PLXNB2: variants seen among roughly 807,000 people sequenced by gnomAD.
The protein encoded by PLXNB2 is plexin-B2.
A neutral mutation model predicts 202.6 loss-of-function variants in PLXNB2; 85 were observed. That is an observed-to-expected ratio of 0.42 (90% CI 0.35 to 0.50). The LOEUF is 0.50. Among genes scored for constraint, PLXNB2 ranks in the 20% least tolerant of loss-of-function variants. The pLI is 0.02. For synonymous variants in PLXNB2, 1,239 were observed against 1,137.6 expected (o/e 1.09, Z -1.79); for missense variants, 2,063 against 2,586.2 (o/e 0.80, Z 4.39).
At chr22:50,301,612 C>G (rs78484472) in intron 1 of PLXNB2, 4,254 of 153,772 alleles carry the variant, frequency 0.028, 100 homozygotes, top group South Asian at 0.12. Flanking sequence ...GCATCTCCCC[C>G]TTTCCAGCTC....
In PLXNB2 at chr22:50,275,283, C is replaced by T; in HGVS notation, c.*421G>A. 1 of 413,684 alleles carries T rather than the reference C, an allele frequency of 2.4e-6. No individual in the cohort carries two copies. Among genetic ancestry groups the T allele is most frequent in the Non-Finnish European group, 4.8e-6 (1 of 206,596 alleles). The allele number at this position is 413,684 out of a possible 1,614,324, so 25.6% of individuals were successfully genotyped here. A position where few individuals can be genotyped will look rare whatever the true frequency, so the allele number is the denominator to read the frequency against. ...CTCCTCCCATCTCGTGGTGGACAGA[C>T]AGACATAGGATCTGGGAACTTGCCC... On this transcript the variant is annotated 3_prime_UTR_variant, in exon 37 of 37. Transcript: ENST00000359337.
chr22:50,284,551 C>T lies in PLXNB2; in HGVS notation c.2181+22G>A, dbSNP rs749671684. ...GGGGCCCTGGGGTCCAGCAGCCGAG[C>T]CGGCCTGCCCTGGAGCCGTACCTTT... On this transcript the variant is annotated intron_variant, in intron 12 of 36. Coordinates refer to ENST00000359337, the MANE Select transcript of PLXNB2 (RefSeq NM_012401.4). The surrounding 1 kb of genome is among the most constrained non-coding windows in gnomAD (Gnocchi z 8.0). 4 of 1,586,478 alleles carry T rather than the reference C, an allele frequency of 2.5e-6. No homozygotes were observed. The highest frequency in any genetic ancestry group is 2.2e-5 in the South Asian group (2 of 90,148).
intron 27 of PLXNB2, 73 bp from the exon 28 acceptor site, chr22:50,279,084 G>C (rs1255438803): frequency 7.5e-6 from 11 of 1,457,526 alleles, no homozygotes; most frequent in Non-Finnish European, 1.0e-5. Context: ...GCCACTCCCT[G>C]CCCCGCCAGC....
At position 50,283,981 on chromosome 22, in the gene PLXNB2, T is replaced by C. The variant is rs2147424977; in HGVS notation, c.2273A>G (p.Tyr758Cys). 1.3e-6 allele frequency: 2 copies of C among 1,543,502 alleles called. No homozygotes were observed. The highest frequency in any genetic ancestry group is 1.7e-6 in the Non-Finnish European group (2 of 1,148,050). ...NIDSKLHVTL[Y>C]NCSFGRSDCS... The stretch of plus-strand genomic sequence containing the variant: ...GTCGCTGCGGCCAAAGGAGCAGTTG[T>C]AGAGGGTCACTGCGGGGAGAGCTGC... The change falls in exon 14 of 37, where the codon TAC (tyrosine) becomes TGC (cysteine). Residue 758 changes from tyrosine (Y) to cysteine (C), a missense_variant. Transcript: ENST00000359337.
chr22:50,285,049 G>A (rs548144542), intron 11 of PLXNB2: 3 of 396,320 alleles, frequency 7.6e-6, no homozygotes, highest in African/African-American at 4.1e-5. Flanking sequence ...GCCCCCGAGT[G>A]CTGCCTCCTG....
At chr22:50,287,576 C>A in intron 7 of PLXNB2, 91 bp downstream of exon 7, 3 of 1,290,110 alleles carry the variant, frequency 2.3e-6, no homozygotes, top group Middle Eastern at 5.4e-4. Flanking sequence ...GTGGAGCCCT[C>A]CCCTGCCTGT....
In PLXNB2 at chr22:50,305,100, C is replaced by T. The variant is rs1272154313; in HGVS notation, c.-74+2453G>A. 3.3e-5 allele frequency among the ~76,000 whole-genome samples: 5 copies of T among 152,358 alleles called. No individual in the cohort carries two copies. The East Asian group carries it at 9.6e-4, about 29-fold the overall frequency. On this transcript the variant is annotated intron_variant, in intron 1 of 36. Coordinates refer to ENST00000359337, the MANE Select transcript of PLXNB2 (RefSeq NM_012401.4). ...CTCAGAGAAGGCACAATATGAGGGG[C>T]CGGAAGACACAGCCTCTCCCAGCCA...
In PLXNB2 at chr22:50,284,739, C is replaced by A; in HGVS notation, c.2089-74G>T. ...GCCCTCCTCCCAGAACCCCTGCAGC[C>A]CCTCCTCTGTGCCTACAGTGTGGGA... On this transcript the variant is annotated intron_variant, in intron 11 of 36. Coordinates refer to ENST00000359337, the MANE Select transcript of PLXNB2 (RefSeq NM_012401.4). The surrounding 1 kb of genome is among the most constrained non-coding windows in gnomAD (Gnocchi z 8.0). The A allele has an allele frequency of 9.0e-7, 1 of 1,114,490 alleles. No individual in the cohort carries two copies. The highest frequency in any genetic ancestry group is 1.4e-6 in the Non-Finnish European group (1 of 726,784). 69.0% of individuals were successfully genotyped at this position (1,114,490 alleles called of 1,614,324 possible).
chr22:50,276,394 G>A (rs56244621), intron 35 of PLXNB2, among the ~76,000 whole-genome samples: 379 of 32,652 alleles, frequency 0.012, 1 homozygote, highest in African/African-American at 0.021. Flanking sequence ...ACGGCCGTGG[G>A]TGCAGCCGCA....
chr22:50,281,283 C>A, intron 22 of PLXNB2, 77 bp downstream of exon 22: 1 of 1,573,858 alleles, frequency 6.4e-7, no homozygotes, highest in Non-Finnish European at 8.7e-7. Context: ...CTGTGCAGGG[C>A]GGCGGATGAG....
intron 1 of PLXNB2, among the ~76,000 whole-genome samples, chr22:50,300,852 C>A (rs1170874045): frequency 1.3e-5 from 2 of 152,176 alleles, no homozygotes; most frequent in African/African-American, 4.8e-5. Context: ...CTTGCTCCAG[C>A]CGAGTTAGTC....
chr22:50,289,788 C>T lies in PLXNB2; in HGVS notation c.797G>A (p.Cys266Tyr). ...YYSYLEMDLQ[C>Y]RDPDIHAAAF... ...AGCGGCGTGGATGTCGGGGTCCCGG[C>T]ACTGCAGGTCCATCTCCAGGTAGGA... is the stretch of plus-strand genomic sequence containing the variant. The change falls in exon 3 of 37, where the codon TGC (cysteine) becomes TAC (tyrosine). Residue 266 changes from cysteine to tyrosine, a missense_variant. Cys to Tyr is a radical substitution (Grantham distance 194). Transcript: ENST00000359337. The surrounding 1 kb of genome is among the most constrained non-coding windows in gnomAD (Gnocchi z 8.0). The T allele has an allele frequency of 6.2e-7, 1 of 1,613,064 alleles. No individual in the cohort carries two copies. The highest frequency in any genetic ancestry group is 8.5e-7 in the Non-Finnish European group (1 of 1,180,018).
rs757370393 is a variant in PLXNB2 at position 50,281,596 on chromosome 22, T to C, written c.3492A>G (p.Arg1164=). The change falls in exon 21 of 37, where the codon CGA becomes CGG. Residue 1164 remains arginine (R), a synonymous_variant. Coordinates refer to ENST00000359337, the MANE Select transcript of PLXNB2 (RefSeq NM_012401.4). Reference sequence around the variant, plus strand: ...ACTCGGGCAGGTTGTGTGTGGTGTCTCGTTTCTGCCGCCGCTTGGGCGGGG... The same window carrying C: ...ACTCGGGCAGGTTGTGTGTGGTGTCCCGTTTCTGCCGCCGCTTGGGCGGGG... The part of the protein sequence containing the change: ...VQPPPKRRQK[R]DTTHNLPEFI... 1 of 1,610,742 alleles carries C rather than the reference T, an allele frequency of 6.2e-7. No homozygotes were observed. Among genetic ancestry groups the C allele is most frequent in the Non-Finnish European group, 8.5e-7 (1 of 1,178,634 alleles).
Position 50,281,525 on chromosome 22 carries a change from G to A in PLXNB2, c.3523-26C>T, listed in dbSNP as rs369407868. On this transcript the variant is annotated intron_variant, in intron 21 of 36. Transcript: ENST00000359337. Reference sequence around the variant, plus strand: ...CTGTGTGGGGGGCCGGGTTCAGCGCGGTCCCGTGGGGGCACCCCCCGCCAG... The same window carrying A: ...CTGTGTGGGGGGCCGGGTTCAGCGCAGTCCCGTGGGGGCACCCCCCGCCAG... The A allele has an allele frequency of 4.8e-4, 777 of 1,607,348 alleles. 2 individuals are homozygous for A. The highest frequency in any genetic ancestry group is 1.2e-3 in the Middle Eastern group (7 of 6,054).
chr22:50,301,236 C>T (rs555105373), intron 1 of PLXNB2: 1 of 218,966 alleles, frequency 4.6e-6, no homozygotes, highest in East Asian at 1.8e-4. Flanking sequence ...TCCTCAACCA[C>T]CCCTTTCGGG....
chr22:50,279,733 T>C lies in PLXNB2; in HGVS notation c.4286A>G (p.Lys1429Arg), dbSNP rs766461191. ...CACCGGGCCCTTTTCCACCTGATGT[T>C]TGATGGCCTTGAAGAGCTTGTACAG... is the stretch of plus-strand genomic sequence containing the variant. ...EPLYKLFKAI[K>R]HQVEKGPVDA... The change falls in exon 27 of 37, where the codon AAA (lysine) becomes AGA (arginine). Residue 1429 changes from lysine (K) to arginine (R), a missense_variant. Coordinates refer to ENST00000359337, the MANE Select transcript of PLXNB2 (RefSeq NM_012401.4). 6.2e-7 allele frequency: 1 copy of C among 1,613,894 alleles called. No individual in the cohort carries two copies. The highest frequency in any genetic ancestry group is 1.3e-5 in the African/African-American group (1 of 74,934).
rs1375574521 is a variant in PLXNB2, at chr22:50,275,188, A to G, written c.*516T>C. On this transcript the variant is annotated 3_prime_UTR_variant, in exon 37 of 37. Coordinates refer to ENST00000359337, the MANE Select transcript of PLXNB2 (RefSeq NM_012401.4). ...TTTGACGTGGGGCCCAGCAGCCGTG[A>G]GTCCACCCAGAGTGCCGGCACCCTT... 2 of 321,314 alleles carry G rather than the reference A, an allele frequency of 6.2e-6. No homozygotes were observed. The highest frequency in any genetic ancestry group is 1.2e-5 in the Non-Finnish European group (2 of 162,746). The allele number at this position is 321,314 out of a possible 1,614,324, so 19.9% of individuals were successfully genotyped here. A position where few individuals can be genotyped will look rare whatever the true frequency, so the allele number is the denominator to read the frequency against.
intron 1 of PLXNB2, among the ~76,000 whole-genome samples, chr22:50,306,193 A>G (rs1423186766): frequency 6.6e-6 from 1 of 151,992 alleles, no homozygotes; most frequent in African/African-American, 2.4e-5. Flanking sequence ...TCCCTCCTCT[A>G]CTGGGGCAAG....
intron 1 of PLXNB2, among the ~76,000 whole-genome samples, chr22:50,303,022 C>T (rs2067765164): frequency 6.6e-6 from 1 of 152,058 alleles, no homozygotes; most frequent in African/African-American, 2.4e-5. Flanking sequence ...ACTTGGATTA[C>T]CCTCAAGCCC....
Sources: gnomAD v4.1 joint callset for allele counts (sites outside exome capture counted in the v4.1 genomes callset) on GRCh38, gnomAD v4.1.1 for gene constraint, Gnocchi (gnomAD v3.1) non-coding constraint, MANE v1.5 for transcripts, NCBI Gene and HGNC (gene_info 2026-07-23, HGNC 2026-07-21) for gene names.